Variants in CHST9 observed in about 807,000 individuals in gnomAD.
The protein encoded by CHST9 is GalNAc-4-sulfotransferase 2.
Under a neutral mutation model 44.4 loss-of-function variants are expected in CHST9, and 41 were observed. The ratio of observed to expected loss-of-function variants is 0.92; its 90% CI spans 0.72 to 1.20. The LOEUF (loss-of-function observed/expected upper bound fraction) is 1.20, where lower values mean the gene tolerates loss of function less well. Ranked by LOEUF, CHST9 falls within the 50% of genes most tolerant of loss-of-function variation. The pLI is 0.00. For missense variants in CHST9, 504 were observed against 516.5 expected, an observed-to-expected ratio of 0.98 and a Z score of 0.23; for synonymous variants, 171 against 178.4, an observed-to-expected ratio of 0.96 and a Z score of 0.33.
intron 1 of CHST9, among the ~76,000 whole-genome samples, chr18:27,183,932 A>G (rs1017737143): frequency 7.9e-5 from 12 of 152,286 alleles, no homozygotes; most frequent in African/African-American, 2.9e-4. Flanking sequence ...AATACTAAAT[A>G]TGGTCACAAT....
At chr18:27,015,193 T>C (rs550360807) in intron 4 of CHST9, among the ~76,000 whole-genome samples, 1 of 152,338 alleles carries the variant, frequency 6.6e-6, no homozygotes, top group African/African-American at 2.4e-5. Context: ...GCATTCTGGC[T>C]GTGCTGCAAG....
chr18:27,088,613 C>G (rs938702713), intron 2 of CHST9, among the ~76,000 whole-genome samples: 1 of 151,860 alleles, frequency 6.6e-6, no homozygotes, highest in Admixed American at 6.6e-5. Context: ...CAGATGATCT[C>G]GATCTCTTGA....
At chr18:27,069,870 G>T (rs1160481881) in intron 2 of CHST9, among the ~76,000 whole-genome samples, 2 of 152,130 alleles carry the variant, frequency 1.3e-5, no homozygotes, top group Admixed American at 6.5e-5. Flanking sequence ...AAACCAAGCA[G>T]CAGCAGTAAA....
In CHST9 at chr18:27,116,204, A is replaced by G. The variant is rs368314696; in HGVS notation, c.121+26485T>C. Among the ~76,000 whole-genome samples the G allele has an allele frequency of 4.6e-5, 7 of 152,180 alleles. 1 individual carries two copies. The East Asian group carries it at 9.6e-4, about 21-fold the overall frequency. On this transcript the variant is annotated intron_variant, in intron 2 of 5. Transcript: ENST00000618847. The stretch of plus-strand genomic sequence containing the variant: ...TTTTGGTGTCAGAGTTAAGGAACCC[A>G]TTGTCATGAAGATTTATGATTATGT...
chr18:27,048,647 A>C, intron 2 of CHST9, 144 bp from the exon 3 acceptor site: 2 of 569,454 alleles, frequency 3.5e-6, no homozygotes, highest in Non-Finnish European at 6.2e-6. Flanking sequence ...GACTGGGCTC[A>C]GCTGACAGGC....
In CHST9 at chr18:27,048,450, T is replaced by G. The variant is rs569507182; in HGVS notation, c.160+15A>C. On this transcript the variant is annotated intron_variant, in intron 3 of 5. Transcript: ENST00000618847. Reference sequence around the variant, plus strand: ...ATCAGGAAATAAAGCTGGAGCCCATTGGACAAAATCTTACCTGAAGTTACT... The same window carrying G: ...ATCAGGAAATAAAGCTGGAGCCCATGGGACAAAATCTTACCTGAAGTTACT... The G allele has an allele frequency of 6.3e-6, 10 of 1,598,226 alleles. No individual in the cohort carries two copies. In the African/African-American group the frequency reaches 1.3e-4, roughly 21 times the overall value.
intron 3 of CHST9, among the ~76,000 whole-genome samples, chr18:27,033,612 A>G (rs1418779729): frequency 6.6e-6 from 1 of 152,140 alleles, no homozygotes; most frequent in East Asian, 1.9e-4. Context: ...GACACACATC[A>G]AGCTTTTTCT....
At chr18:27,082,003 C>G (rs1174852108) in intron 2 of CHST9, among the ~76,000 whole-genome samples, 1 of 152,178 alleles carries the variant, frequency 6.6e-6, no homozygotes, top group Non-Finnish European at 1.5e-5. Context: ...TGTTTATCAG[C>G]CAGTCTGACT....
At chr18:26,969,843 G>A (rs1465768563) in intron 4 of CHST9, among the ~76,000 whole-genome samples, 1 of 151,548 alleles carries the variant, frequency 6.6e-6, no homozygotes, top group Non-Finnish European at 1.5e-5. Context: ...TTTCTAAATA[G>A]TTTGATCTTG....
At chr18:26,979,658 A>G (rs1195429355) in intron 4 of CHST9, among the ~76,000 whole-genome samples, 4 of 152,152 alleles carry the variant, frequency 2.6e-5, no homozygotes, top group African/African-American at 9.7e-5. Context: ...TTGTCATTTT[A>G]CCAAGAGCTC....
chr18:27,173,564 A>G (rs2058847720), intron 1 of CHST9, among the ~76,000 whole-genome samples: 1 of 149,374 alleles, frequency 6.7e-6, no homozygotes, highest in South Asian at 2.1e-4. Context: ...TTTATCTAAT[A>G]CATACTGATA....
At chr18:27,135,236 G>T (rs914986419) in intron 2 of CHST9, among the ~76,000 whole-genome samples, 1 of 152,148 alleles carries the variant, frequency 6.6e-6, no homozygotes, top group Non-Finnish European at 1.5e-5. Flanking sequence ...AAAAGGAAGG[G>T]AAGCAGTAGT....
At chr18:27,103,388 G>A (rs1229118100) in intron 2 of CHST9, among the ~76,000 whole-genome samples, 5 of 152,152 alleles carry the variant, frequency 3.3e-5, no homozygotes, top group African/African-American at 1.2e-4. Context: ...CAGTGCCTCT[G>A]GTTTAGCCTC....
At chr18:27,003,942 C>T (rs1307729034) in intron 4 of CHST9, among the ~76,000 whole-genome samples, 1 of 151,868 alleles carries the variant, frequency 6.6e-6, no homozygotes, top group Non-Finnish European at 1.5e-5. Flanking sequence ...TCTCCTCTAG[C>T]CTCAGATAAC....
In CHST9 at chr18:26,999,863, C is replaced by T. The variant is rs150669311; in HGVS notation, c.202+24253G>A. 5.8e-3 allele frequency among the ~76,000 whole-genome samples: 881 copies of T among 152,278 alleles called. 36 individuals are homozygous for T. The highest frequency in any genetic ancestry group is 0.051 in the Admixed American group (778 of 15,294). ...AAAATAAAAATAAAAACAACAAATACATACAATCAGTTTAGTTGGGTACTT... is the reference window on the plus strand; with the variant it reads ...AAAATAAAAATAAAAACAACAAATATATACAATCAGTTTAGTTGGGTACTT... On this transcript the variant is annotated intron_variant, in intron 4 of 5. Transcript: ENST00000618847.
In CHST9 at chr18:26,914,517, T is replaced by C. The variant is rs1270251820; in HGVS notation, c.*1742A>G. The C allele has an allele frequency of 6.3e-5, 10 of 159,636 alleles. No homozygotes were observed. Among genetic ancestry groups the C allele is most frequent in the African/African-American group, 2.4e-4 (10 of 41,860 alleles). 9.9% of individuals were successfully genotyped at this position (159,636 alleles called of 1,614,324 possible). On this transcript the variant is annotated 3_prime_UTR_variant, in exon 6 of 6. Coordinates refer to ENST00000618847, the MANE Select transcript of CHST9 (RefSeq NM_031422.6). ...TTAGATTACTCCAGAGTAAAACGTC[T>C]TAAAAACTGAGAGCACAGCTTAAGT...
At chr18:27,033,776 T>C (rs1037001514) in intron 3 of CHST9, among the ~76,000 whole-genome samples, 9 of 152,186 alleles carry the variant, frequency 5.9e-5, no homozygotes, top group African/African-American at 2.2e-4. Flanking sequence ...AATAAGAATG[T>C]GCCCAGAGCA....
chr18:27,098,687 C>A (rs2143741968), intron 2 of CHST9, among the ~76,000 whole-genome samples: 1 of 152,196 alleles, frequency 6.6e-6, no homozygotes. Flanking sequence ...TCATTCTCAG[C>A]AAACTAACAC....
intron 2 of CHST9, among the ~76,000 whole-genome samples, chr18:27,056,908 C>G (rs1289578142): frequency 6.6e-6 from 1 of 152,228 alleles, no homozygotes; most frequent in Non-Finnish European, 1.5e-5. Context: ...TGTCCTAACT[C>G]TTTTCAAATA....
Sources: allele counts gnomAD v4.1 joint callset (sites outside exome capture counted in the v4.1 genomes callset), GRCh38; gene constraint gnomAD v4.1.1; transcripts MANE v1.5; gene names NCBI Gene and HGNC (gene_info 2026-07-23, HGNC 2026-07-21).